Variants in CAMKMT observed in about 807,000 individuals in gnomAD.
The protein encoded by CAMKMT is calmodulin-lysine N-methyltransferase, also known as CaM KMT.
CAMKMT carries 53 observed loss-of-function variants against 48.0 expected under a neutral mutation model. That is an observed-to-expected ratio of 1.10 (90% CI 0.89 to 1.39). The LOEUF (loss-of-function observed/expected upper bound fraction) is 1.39. CAMKMT is among the 40% of genes most tolerant of loss of function. The pLI is 0.00. For missense variants in CAMKMT, 428 were observed against 402.7 expected, an observed-to-expected ratio of 1.06 and a Z score of -0.54; for synonymous variants, 165 against 152.3, an observed-to-expected ratio of 1.08 and a Z score of -0.61.
intron 3 of CAMKMT, among the ~76,000 whole-genome samples, chr2:44,460,467 A>T (rs543838507): frequency 1.8e-4 from 27 of 152,262 alleles, no homozygotes; most frequent in Non-Finnish European, 3.4e-4. Flanking sequence ...ATAAAGTTCT[A>T]TACTTTTACT....
intron 3 of CAMKMT, among the ~76,000 whole-genome samples, chr2:44,490,424 C>T (rs1455875229): frequency 2.6e-5 from 4 of 151,940 alleles, no homozygotes; most frequent in Admixed American, 1.3e-4. Flanking sequence ...TACAGGCATG[C>T]GCCACCACAC....
At chr2:44,429,022 T>C (rs1351002255) in intron 3 of CAMKMT, among the ~76,000 whole-genome samples, 1 of 152,208 alleles carries the variant, frequency 6.6e-6, no homozygotes, top group African/African-American at 2.4e-5. Context: ...ATTTGAAATA[T>C]AGGTTGGAAT....
chr2:44,691,288 C>T (rs1433190341), intron 3 of CAMKMT, among the ~76,000 whole-genome samples: 1 of 152,188 alleles, frequency 6.6e-6, no homozygotes, highest in Non-Finnish European at 1.5e-5. Flanking sequence ...TGTCACTCAG[C>T]TGCTTTCTCA....
At chr2:44,545,766 T>C (rs1213019398) in intron 3 of CAMKMT, among the ~76,000 whole-genome samples, 1 of 150,880 alleles carries the variant, frequency 6.6e-6, no homozygotes, top group Non-Finnish European at 1.5e-5. Flanking sequence ...AATGGACACC[T>C]TGTAGAATAA....
At chr2:44,593,157 T>A (rs1489841142) in intron 3 of CAMKMT, among the ~76,000 whole-genome samples, 1 of 152,194 alleles carries the variant, frequency 6.6e-6, no homozygotes, top group East Asian at 1.9e-4. Context: ...AGGGCAAATT[T>A]TTCCACACCA....
intron 3 of CAMKMT, among the ~76,000 whole-genome samples, chr2:44,527,456 C>G (rs1190595282): frequency 3.0e-5 from 4 of 134,922 alleles, no homozygotes; most frequent in African/African-American, 1.1e-4. Flanking sequence ...GAGATGAGGT[C>G]TCTCTCTGTT....
At chr2:44,551,980 T>G (rs749817242) in intron 3 of CAMKMT, among the ~76,000 whole-genome samples, 2 of 152,106 alleles carry the variant, frequency 1.3e-5, no homozygotes, top group South Asian at 4.2e-4. Flanking sequence ...ACATATAGAT[T>G]TTTTTTTAGT....
intron 3 of CAMKMT, among the ~76,000 whole-genome samples, chr2:44,598,236 A>T (rs1208978807): frequency 6.6e-6 from 1 of 152,086 alleles, no homozygotes; most frequent in Non-Finnish European, 1.5e-5. Context: ...TTTAGTAAAA[A>T]TAAGAATATT....
chr2:44,400,928 G>GTA (rs1244824905), intron 3 of CAMKMT: 2,505 of 73,620 alleles, frequency 0.034, 26 homozygotes, highest in South Asian at 0.078. Flanking sequence ...ACTTATGTGT[G>GTA]TGTATATATA....
intron 3 of CAMKMT, among the ~76,000 whole-genome samples, chr2:44,672,409 G>T (rs912931538): frequency 6.6e-6 from 1 of 151,980 alleles, no homozygotes; most frequent in African/African-American, 2.4e-5. Context: ...AAATAATTTT[G>T]TGGGTTTTTT....
chr2:44,432,254 C>G (rs1464084543), intron 3 of CAMKMT, among the ~76,000 whole-genome samples: 2 of 152,120 alleles, frequency 1.3e-5, no homozygotes, highest in Non-Finnish European at 2.9e-5. Flanking sequence ...TACTCCTGTA[C>G]TTGAGTAATT....
At chr2:44,489,681 A>G (rs1416439155) in intron 3 of CAMKMT, among the ~76,000 whole-genome samples, 2 of 152,364 alleles carry the variant, frequency 1.3e-5, no homozygotes, top group Middle Eastern at 3.4e-3. Context: ...AGAAGTAGCA[A>G]TTGTGATTCT....
chr2:44,611,841 C>T (rs922131691), intron 3 of CAMKMT, among the ~76,000 whole-genome samples: 11 of 151,880 alleles, frequency 7.2e-5, no homozygotes. Flanking sequence ...AAAGCAGGAG[C>T]AAATGAGGTT....
chr2:44,472,049 T>A (rs115877689), intron 3 of CAMKMT, among the ~76,000 whole-genome samples: 3,910 of 152,210 alleles, frequency 0.026, 169 homozygotes, highest in African/African-American at 0.089. Context: ...TATTTATGAT[T>A]CTTCCTAAAA....
chr2:44,554,900 A>C (rs1385678458), intron 3 of CAMKMT, among the ~76,000 whole-genome samples: 1 of 152,094 alleles, frequency 6.6e-6, no homozygotes, highest in African/African-American at 2.4e-5. Flanking sequence ...AAAACACAAT[A>C]AATACTGCAT....
intron 7 of CAMKMT, among the ~76,000 whole-genome samples, chr2:44,721,289 T>G (rs1433141679): frequency 6.6e-6 from 1 of 152,206 alleles, no homozygotes; most frequent in African/African-American, 2.4e-5. Flanking sequence ...ATTTTTTATC[T>G]TCTTAAAATT....
At chr2:44,709,102 C>T (rs917723426) in intron 6 of CAMKMT, among the ~76,000 whole-genome samples, 1 of 152,118 alleles carries the variant, frequency 6.6e-6, no homozygotes, top group African/African-American at 2.4e-5. Context: ...AACAAAGATG[C>T]CATGCCAGCT....
At chr2:44,633,151 A>ACACC (rs1672934058) in intron 3 of CAMKMT, among the ~76,000 whole-genome samples, 1 of 152,136 alleles carries the variant, frequency 6.6e-6, no homozygotes, top group Admixed American at 6.5e-5. Context: ...AGTCAAAAGT[A>ACACC]CACCCATTTT....
At chr2:44,748,085 A>G (rs1449550754) in intron 8 of CAMKMT, among the ~76,000 whole-genome samples, 3 of 152,182 alleles carry the variant, frequency 2.0e-5, no homozygotes, top group African/African-American at 4.8e-5. Flanking sequence ...GAGATTATAT[A>G]TCATTCCCTC....
Sources: gnomAD v4.1 joint callset for allele counts (sites outside exome capture counted in the v4.1 genomes callset) on GRCh38, gnomAD v4.1.1 for gene constraint, MANE v1.5 for transcripts, NCBI Gene and HGNC (gene_info 2026-07-23, HGNC 2026-07-21) for gene names.